Variants in XYLB observed in about 807,000 individuals in gnomAD.
XYLB encodes xylulokinase, also known as xylulose kinase.
Under a neutral mutation model 78.7 loss-of-function variants are expected in XYLB, and 62 were observed. The observed-to-expected ratio is 0.79, with a 90% CI of 0.64 to 0.97. XYLB has a LOEUF of 0.97. Ranked by LOEUF, XYLB falls within the 50% of genes least tolerant of loss-of-function variation. XYLB has a pLI of 0.00. For synonymous variants in XYLB, 245 were observed against 247.4 expected, an observed-to-expected ratio of 0.99 and a Z score of 0.09; for missense variants, 687 against 676.8, an observed-to-expected ratio of 1.02 and a Z score of -0.17.
chr3:38,436,358 C>A, the XYLB span, among the ~76,000 whole-genome samples: 2 of 152,030 alleles, frequency 1.3e-5, no homozygotes, highest in African/African-American at 4.8e-5. Flanking sequence ...TACAACCTAC[C>A]AAGTTTGAAC....
At position 38,413,037 on chromosome 3, in the gene XYLB, C is replaced by A; in HGVS notation, c.*24C>A. 6.3e-7 allele frequency: 1 copy of A among 1,574,976 alleles called. No homozygotes were observed. On this transcript the variant is annotated 3_prime_UTR_variant, in exon 19 of 19. Transcript: ENST00000207870. ...GAACAGGCATCCCTGTTGCCCCTGC[C>A]TGCCCAGATTTACTGACCCCATTTG... is the stretch of plus-strand genomic sequence containing the variant.
At chr3:38,365,042 C>T (rs1049165237) in intron 4 of XYLB, among the ~76,000 whole-genome samples, 157 bp from the exon 5 acceptor site, 1 of 152,158 alleles carries the variant, frequency 6.6e-6, no homozygotes, top group Non-Finnish European at 1.5e-5. Context: ...AAGTGGAAAC[C>T]AAGTCCCAGG....
At chr3:38,430,347 T>C in the XYLB span, among the ~76,000 whole-genome samples, 1 of 152,248 alleles carries the variant, frequency 6.6e-6, no homozygotes, top group Non-Finnish European at 1.5e-5. Flanking sequence ...GCTGCATAAA[T>C]GTCTTTTTTT....
intron 3 of XYLB, among the ~76,000 whole-genome samples, chr3:38,361,109 T>C (rs761607009): frequency 1.3e-5 from 2 of 152,128 alleles, no homozygotes; most frequent in African/African-American, 2.4e-5. Flanking sequence ...ATCCCTTAGC[T>C]CCCTAATCAC....
intron 2 of XYLB, among the ~76,000 whole-genome samples, chr3:38,351,896 G>A (rs1705385363): frequency 6.6e-6 from 1 of 152,178 alleles, no homozygotes; most frequent in African/African-American, 2.4e-5. Flanking sequence ...GATGTTGTAT[G>A]GATGGACTAC....
At chr3:38,426,484 C>T in the XYLB span, among the ~76,000 whole-genome samples, 1 of 152,226 alleles carries the variant, frequency 6.6e-6, no homozygotes, top group South Asian at 2.1e-4. Flanking sequence ...GCACATCTGA[C>T]ACTAATGCCA....
chr3:38,358,966 C>G (rs150960040), intron 2 of XYLB, among the ~76,000 whole-genome samples: 3 of 152,276 alleles, frequency 2.0e-5, no homozygotes, highest in East Asian at 1.9e-4. Context: ...CCCTGCTTAC[C>G]GAGACAAGCT....
At chr3:38,423,386 A>G (rs556295126), downstream of XYLB, among the ~76,000 whole-genome samples, 1 of 152,294 alleles carries the variant, frequency 6.6e-6, no homozygotes, top group South Asian at 2.1e-4. Context: ...AGTCTTTGTT[A>G]AGAAAAAATG....
At chr3:38,368,993 G>C (rs531648124) in intron 8 of XYLB, among the ~76,000 whole-genome samples, 1 of 152,208 alleles carries the variant, frequency 6.6e-6, no homozygotes, top group Non-Finnish European at 1.5e-5. Flanking sequence ...AGGAGGGAAA[G>C]CTGGGAGGAG....
At chr3:38,452,335 C>T in the XYLB span, 1 of 152,204 alleles carries the variant, frequency 6.6e-6, no homozygotes, top group Non-Finnish European at 1.5e-5. Flanking sequence ...TGGGCAGTGC[C>T]TCCAAAGTGT....
the XYLB span, among the ~76,000 whole-genome samples, chr3:38,429,393 A>G: frequency 1.4e-4 from 21 of 152,302 alleles, no homozygotes; most frequent in African/African-American, 5.1e-4. Flanking sequence ...GCCAATATGC[A>G]TATTTTAAGC....
chr3:38,404,821 T>C (rs1459395817), intron 18 of XYLB, among the ~76,000 whole-genome samples: 1 of 152,150 alleles, frequency 6.6e-6, no homozygotes, highest in Non-Finnish European at 1.5e-5. Context: ...AGTGAGACCC[T>C]GTCTCAAAAA....
chr3:38,347,206 C>A (rs866351786), intron 1 of XYLB, among the ~76,000 whole-genome samples: 32 of 152,282 alleles, frequency 2.1e-4, no homozygotes, highest in African/African-American at 6.5e-4. Context: ...TCGGCAGGAC[C>A]CCCGGTGCCC....
chr3:38,405,860 T>C lies in XYLB; in HGVS notation c.1533+4875T>C, dbSNP rs375168780. On this transcript the variant is annotated intron_variant, in intron 18 of 18. Coordinates refer to ENST00000207870, the MANE Select transcript of XYLB (RefSeq NM_005108.4). ...GGCGCCTGCCATTGCCCAGGCTTGC[T>C]TAGGTAAACAAAGCAGCCAGGAGGC... 3.1e-4 allele frequency among the ~76,000 whole-genome samples: 47 copies of C among 152,300 alleles called. 1 individual carries two copies. In the South Asian group the frequency reaches 9.7e-3, roughly 32 times the overall value.
chr3:38,391,253 A>C (rs1217231132), intron 15 of XYLB, among the ~76,000 whole-genome samples: 2 of 151,948 alleles, frequency 1.3e-5, no homozygotes, highest in African/African-American at 4.8e-5. Flanking sequence ...AAAAGAAGAA[A>C]TAGAACACTA....
chr3:38,348,240 A>G (rs903619432), intron 1 of XYLB, among the ~76,000 whole-genome samples: 1 of 152,200 alleles, frequency 6.6e-6, no homozygotes, highest in African/African-American at 2.4e-5. Context: ...TGTCAGGTGC[A>G]CGAACCAACT....
intron 11 of XYLB, 123 bp downstream of exon 11, chr3:38,374,625 G>C (rs550183707): frequency 1.0e-5 from 12 of 1,204,324 alleles, no homozygotes; most frequent in South Asian, 9.1e-5. Flanking sequence ...GTCCCAGCAG[G>C]ATCTCTGCTA....
At chr3:38,378,191 A>G (rs1559595017) in intron 14 of XYLB, among the ~76,000 whole-genome samples, 1 of 152,212 alleles carries the variant, frequency 6.6e-6, no homozygotes, top group South Asian at 2.1e-4. Context: ...CTGATGGAGG[A>G]TCAGTTTGGT....
the XYLB span, among the ~76,000 whole-genome samples, chr3:38,434,024 G>A: frequency 5.9e-5 from 9 of 152,172 alleles, no homozygotes; most frequent in Non-Finnish European, 1.0e-4. Context: ...CATGATAGAA[G>A]ACACCTCTTT....
Sources: allele counts gnomAD v4.1 joint callset (sites outside exome capture counted in the v4.1 genomes callset), GRCh38; gene constraint gnomAD v4.1.1; transcripts MANE v1.5; gene names NCBI Gene and HGNC (gene_info 2026-07-23, HGNC 2026-07-21).